Variants in CHRD observed in about 807,000 individuals in gnomAD.
The protein encoded by CHRD is chordin.
In CHRD, 69 loss-of-function variants were observed where a neutral mutation model predicts 113.7. The observed-to-expected ratio is 0.61, with a 90% CI of 0.50 to 0.74. CHRD has a LOEUF of 0.74. Among genes scored for constraint, CHRD ranks in the 30% least tolerant of loss-of-function variants. CHRD has a pLI of 0.00. For missense variants in CHRD, 1,194 were observed against 1,295.8 expected, an observed-to-expected ratio of 0.92 and a Z score of 1.21; for synonymous variants, 561 against 540.8, an observed-to-expected ratio of 1.04 and a Z score of -0.52.
At chr3:184,383,095 C>T in exon 10 of CHRD, 1 of 1,611,422 alleles carries the variant, frequency 6.2e-7, no homozygotes, top group Non-Finnish European at 8.5e-7. Flanking sequence ...CTGCAGATGG[C>T]CCTGGAGTGG....
rs1367614437 is a variant in CHRD, at chr3:184,381,241, T to G, written c.259T>G (p.Trp87Gly). 6.2e-7 allele frequency: 1 copy of G among 1,613,278 alleles called. No homozygotes were observed. The highest frequency in any genetic ancestry group is 8.5e-7 in the Non-Finnish European group (1 of 1,179,966). Reference sequence around the variant, plus strand: ...CCGCCTTTTCCGGGAGCAGCCTCAGTGGGGTCGCCGTACCAGGGGCCCTGG... The same window carrying G: ...CCGCCTTTTCCGGGAGCAGCCTCAGGGGGGTCGCCGTACCAGGGGCCCTGG... Residue 87 changes from tryptophan (W) to glycine (G), a missense_variant, in exon 3 of 23, where the codon TGG (tryptophan) becomes GGG (glycine). Physicochemically the swap from Trp to Gly is radical, Grantham distance 184 (BLOSUM62 -2). Coordinates refer to ENST00000204604, the Ensembl canonical transcript of CHRD. This position sits in a 1 kb window ranked among gnomAD's most constrained non-coding sequence, Gnocchi z 4.7.
rs540892962 is a variant in CHRD, at chr3:184,384,315, A to T, written c.1441-222A>T. ...GGCTTTCACAGTATCCATTTGAGAG[A>T]TGAGGAAGTGAAGACTTGGAGAAGT... On this transcript the variant is annotated intron_variant, in intron 12 of 22. Coordinates refer to ENST00000204604, the Ensembl canonical transcript of CHRD. The surrounding 1 kb of genome is among the most constrained non-coding windows in gnomAD (Gnocchi z 4.4). Among the ~76,000 whole-genome samples the T allele has an allele frequency of 3.3e-5, 5 of 152,280 alleles. No individual in the cohort carries two copies. In the East Asian group the frequency reaches 9.6e-4, roughly 29 times the overall value.
At chr3:184,382,425 C>T (rs1345483316) in exon 7 of CHRD, 1 of 1,614,114 alleles carries the variant, frequency 6.2e-7, no homozygotes, top group Non-Finnish European at 8.5e-7. Context: ...TCGGTTGTCT[C>T]TGCGGCTCCT....
downstream of CHRD, chr3:184,390,218 C>T (rs1323557638): frequency 3.7e-5 from 4 of 108,846 alleles, no homozygotes; most frequent in African/African-American, 7.0e-5. Context: ...CCTCCCCTCC[C>T]CTCCCCTCCC....
Position 184,380,529 on chromosome 3 carries a change from C to T in CHRD, c.148+63C>T. On this transcript the variant is annotated intron_variant, in intron 1 of 22. Coordinates refer to ENST00000204604, the Ensembl canonical transcript of CHRD. The surrounding 1 kb of genome is among the most constrained non-coding windows in gnomAD (Gnocchi z 6.3). The stretch of plus-strand genomic sequence containing the variant: ...GGGCTCGGGGCGAGTCAGCGCCAGC[C>T]CGGAGGGGGCGCGGGGCGCAGGTGG... 3.7e-6 allele frequency: 4 copies of T among 1,089,900 alleles called. No individual in the cohort carries two copies. The highest frequency in any genetic ancestry group is 4.5e-6 in the Non-Finnish European group (4 of 885,490). 67.5% of individuals were successfully genotyped at this position (1,089,900 alleles called of 1,614,324 possible).
In CHRD at chr3:184,387,896, C is replaced by T. The variant is rs1459745895; in HGVS notation, c.2452-35C>T. The T allele has an allele frequency of 6.3e-7, 1 of 1,576,694 alleles. No individual in the cohort carries two copies. The stretch of plus-strand genomic sequence containing the variant: ...AGTGGGCAGGAGGCTTATGTGCCCC[C>T]TGCCTGACACTCCTTGCTCAATGGA... On this transcript the variant is annotated intron_variant, in intron 19 of 22. Transcript: ENST00000204604. The surrounding 1 kb of genome is among the most constrained non-coding windows in gnomAD (Gnocchi z 6.1).
At chr3:184,383,568 G>A in exon 12 of CHRD, 3 of 1,614,138 alleles carry the variant, frequency 1.9e-6, no homozygotes, top group Non-Finnish European at 2.5e-6. Context: ...CATGACACTG[G>A]AGACCAAGCC....
At position 184,380,652 on chromosome 3, in the gene CHRD, C is replaced by G; in HGVS notation, c.149-40C>G. The G allele has an allele frequency of 1.3e-5, 19 of 1,479,814 alleles. No homozygotes were observed. Among genetic ancestry groups the G allele is most frequent in the Middle Eastern group, 1.8e-4 (1 of 5,698 alleles). The allele number at this position is 1,479,814 out of a possible 1,614,324, so 91.7% of individuals were successfully genotyped here. On this transcript the variant is annotated intron_variant, in intron 1 of 22. Transcript: ENST00000204604. This position sits in a 1 kb window ranked among gnomAD's most constrained non-coding sequence, Gnocchi z 6.3. ...GCAGCCCCCGGGGCGGCACACGGCG[C>G]GAGCTGGGCAGCGGCCTCCAGCCAA...
chr3:184,384,813 G>T lies in CHRD; in HGVS notation c.1597+120G>T, dbSNP rs1396593050. On this transcript the variant is annotated intron_variant, in intron 13 of 22. Transcript: ENST00000204604. This position sits in a 1 kb window ranked among gnomAD's most constrained non-coding sequence, Gnocchi z 4.4. ...CCTAAGCTCCGGTTGCCATCTGAAG[G>T]TGGGGACATATAGGGTGGCCCTGCT... 4 of 1,373,676 alleles carry T rather than the reference G, an allele frequency of 2.9e-6. No individual in the cohort carries two copies. In the African/African-American group the frequency reaches 5.8e-5, roughly 20 times the overall value. The allele number at this position is 1,373,676 out of a possible 1,614,324, so 85.1% of individuals were successfully genotyped here. A position where few individuals can be genotyped will look rare whatever the true frequency, so the allele number is the denominator to read the frequency against.
exon 9 of CHRD, chr3:184,382,856 G>T: frequency 1.9e-6 from 3 of 1,613,146 alleles, no homozygotes; most frequent in Middle Eastern, 1.6e-4. Flanking sequence ...GGCCTTGCAG[G>T]ACTAACCCAG....
At position 184,388,793 on chromosome 3, in the gene CHRD, G is replaced by A. The variant is rs372701681; in HGVS notation, c.2709+52G>A. The A allele has an allele frequency of 6.8e-6, 11 of 1,608,712 alleles. No homozygotes were observed. In the African/African-American group the frequency reaches 1.3e-4, roughly 20 times the overall value. On this transcript the variant is annotated intron_variant, in intron 21 of 22. Transcript: ENST00000204604. The surrounding 1 kb of genome is among the most constrained non-coding windows in gnomAD (Gnocchi z 6.1). ...AGGTGGGTACTGGGAGCCTGGTCTG[G>A]AGTAGGGAGACCTTCCCAGGGAGGT...
In CHRD at chr3:184,387,519, G is replaced by T; in HGVS notation, c.2451+42G>T. On this transcript the variant is annotated intron_variant, in intron 19 of 22. Coordinates refer to ENST00000204604, the Ensembl canonical transcript of CHRD. The surrounding 1 kb of genome is among the most constrained non-coding windows in gnomAD (Gnocchi z 6.1). ...TTCTCTGGTGCCATAACCCAGCGGGGTCTGCAGAGATGGGGAGGGGCTGCC... is the reference window on the plus strand; with the variant it reads ...TTCTCTGGTGCCATAACCCAGCGGGTTCTGCAGAGATGGGGAGGGGCTGCC... The T allele has an allele frequency of 6.5e-7, 1 of 1,536,612 alleles. No homozygotes were observed. Among genetic ancestry groups the T allele is most frequent in the African/African-American group, 1.4e-5 (1 of 73,110 alleles).
Position 184,380,599 on chromosome 3 carries a change from C to T in CHRD, c.149-93C>T. On this transcript the variant is annotated intron_variant, in intron 1 of 22. Coordinates refer to ENST00000204604, the Ensembl canonical transcript of CHRD. This position sits in a 1 kb window ranked among gnomAD's most constrained non-coding sequence, Gnocchi z 6.3. Reference sequence around the variant, plus strand: ...CGGAGGGTGGGCGGGGGCAGAAGGGCGCGGTGCCTGGGACCCGGGACCCGC... The same window carrying T: ...CGGAGGGTGGGCGGGGGCAGAAGGGTGCGGTGCCTGGGACCCGGGACCCGC... 2.6e-6 allele frequency: 3 copies of T among 1,139,428 alleles called. No homozygotes were observed. The highest frequency in any genetic ancestry group is 2.3e-6 in the Non-Finnish European group (2 of 885,906). 70.6% of individuals were successfully genotyped at this position (1,139,428 alleles called of 1,614,324 possible).
At chr3:184,382,649 T>C (rs1254875553) in exon 8 of CHRD, 1 of 1,613,406 alleles carries the variant, frequency 6.2e-7, no homozygotes, top group Admixed American at 1.7e-5. Flanking sequence ...TTCAGTGCCA[T>C]CCTGACTCTA....
At chr3:184,386,235 G>A in intron 15 of CHRD, 76 bp downstream of exon 15, 1 of 1,456,300 alleles carries the variant, frequency 6.9e-7, no homozygotes, top group Non-Finnish European at 9.6e-7. Flanking sequence ...CATTGCACTA[G>A]TCACTTGCTG....
Position 184,381,816 on chromosome 3 carries a change from G to T in CHRD, c.611+1G>T. On this transcript the variant is annotated splice_donor_variant, in intron 5 of 22. Coordinates refer to ENST00000204604, the Ensembl canonical transcript of CHRD. LOFTEE classifies it high-confidence loss of function. This position sits in a 1 kb window ranked among gnomAD's most constrained non-coding sequence, Gnocchi z 4.7. ...TCCGCTTCTCTATCTCCTACAGGCGGTGAGAAAGGGGAAGGAGCAAGGAGG... is the reference window on the plus strand; with the variant it reads ...TCCGCTTCTCTATCTCCTACAGGCGTTGAGAAAGGGGAAGGAGCAAGGAGG... The T allele has an allele frequency of 6.2e-7, 1 of 1,612,926 alleles. No individual in the cohort carries two copies. The highest frequency in any genetic ancestry group is 8.5e-7 in the Non-Finnish European group (1 of 1,179,704).
At chr3:184,385,303 G>A (rs2108653204) in intron 14 of CHRD, 65 bp downstream of exon 14, 1 of 1,232,944 alleles carries the variant, frequency 8.1e-7, no homozygotes, top group Non-Finnish European at 1.2e-6. Context: ...GGGCTGTGTG[G>A]GCCTGTGTTG....
exon 16 of CHRD, chr3:184,386,701 C>A: frequency 6.2e-7 from 1 of 1,612,454 alleles, no homozygotes; most frequent in Non-Finnish European, 8.5e-7. Context: ...AGCGCCCCCA[C>A]GGGGCTCGCT....
At chr3:184,389,670 A>G in exon 23 of CHRD, 1 of 522,058 alleles carries the variant, frequency 1.9e-6, no homozygotes, top group East Asian at 3.1e-5. Context: ...TGGAAGCCCC[A>G]CCCCTTTCCT....
Sources: gnomAD v4.1 joint callset for allele counts (sites outside exome capture counted in the v4.1 genomes callset) on GRCh38, gnomAD v4.1.1 for gene constraint, Gnocchi (gnomAD v3.1) non-coding constraint, MANE v1.5 for transcripts, NCBI Gene and HGNC (gene_info 2026-07-23, HGNC 2026-07-21) for gene names.